The following PLCB4 variants were observed in gnomAD, a reference collection of about 807,000 sequenced individuals.
PLCB4 encodes 1-phosphatidylinositol 4,5-bisphosphate phosphodiesterase beta-4.
A neutral mutation model predicts 178.8 loss-of-function variants in PLCB4; 77 were observed. That is an observed-to-expected ratio of 0.43 (90% CI 0.36 to 0.52). The LOEUF is 0.52. Among genes scored for constraint, PLCB4 ranks in the 20% least tolerant of loss-of-function variants. The probability of loss-of-function intolerance (pLI) is 0.00; values close to 1 mark genes in which losing one functional copy is unlikely to be tolerated. For missense variants in PLCB4, 1,024 were observed against 1,453.4 expected (o/e 0.70, Z 4.80); for synonymous variants, 496 against 490.8 (o/e 1.01, Z -0.14).
intron 2 of PLCB4, among the ~76,000 whole-genome samples, chr20:9,130,598 G>A (rs1209376287): frequency 6.6e-6 from 1 of 151,992 alleles, no homozygotes; most frequent in Admixed American, 6.5e-5. Context: ...TTTCTGTTTT[G>A]GACTGTTTTC....
intron 2 of PLCB4, among the ~76,000 whole-genome samples, chr20:9,185,860 C>A (rs1238526282): frequency 6.6e-6 from 1 of 152,190 alleles, no homozygotes; most frequent in Non-Finnish European, 1.5e-5. Flanking sequence ...CTAAATCTCT[C>A]ATTTCCTTAG....
chr20:9,451,109 A>G (rs1280831850), intron 32 of PLCB4, among the ~76,000 whole-genome samples: 2 of 152,202 alleles, frequency 1.3e-5, no homozygotes, highest in African/African-American at 4.8e-5. Flanking sequence ...CTTATTGAGC[A>G]TATACTTTGT....
At chr20:9,198,383 A>G (rs2093499484) in intron 2 of PLCB4, among the ~76,000 whole-genome samples, 1 of 152,206 alleles carries the variant, frequency 6.6e-6, no homozygotes, top group South Asian at 2.1e-4. Flanking sequence ...AGAAGAAGGT[A>G]GGTTGGCATC....
chr20:9,460,983 TC>T (rs2043352972), intron 35 of PLCB4, among the ~76,000 whole-genome samples: 1 of 152,216 alleles, frequency 6.6e-6, no homozygotes, highest in African/African-American at 2.4e-5. Flanking sequence ...TTTTCTTTTT[TC>T]CTTAGAAATG....
At chr20:9,332,494 G>C (rs1477464762) in intron 4 of PLCB4, among the ~76,000 whole-genome samples, 1 of 152,160 alleles carries the variant, frequency 6.6e-6, no homozygotes, top group Non-Finnish European at 1.5e-5. Flanking sequence ...TTCATGGGTG[G>C]TTTGAAGCAT....
intron 24 of PLCB4, among the ~76,000 whole-genome samples, chr20:9,409,807 C>T (rs2039727610): frequency 6.6e-6 from 1 of 151,744 alleles, no homozygotes; most frequent in African/African-American, 2.4e-5. Context: ...AATTGATAAA[C>T]ACATTTTTAA....
intron 30 of PLCB4, among the ~76,000 whole-genome samples, chr20:9,442,535 A>C (rs1277166341): frequency 6.6e-6 from 1 of 152,204 alleles, no homozygotes; most frequent in Non-Finnish European, 1.5e-5. Flanking sequence ...AAGAAAATAA[A>C]AATTGAGAGA....
chr20:9,189,547 T>C (rs2093372383), intron 2 of PLCB4, among the ~76,000 whole-genome samples: 1 of 152,220 alleles, frequency 6.6e-6, no homozygotes, highest in Non-Finnish European at 1.5e-5. Flanking sequence ...TGTAGGATGC[T>C]TAGCAGCATC....
intron 2 of PLCB4, among the ~76,000 whole-genome samples, chr20:9,213,104 G>GAGGTGATCCACCCAC (rs373465714): frequency 4.8e-5 from 6 of 124,628 alleles, no homozygotes; most frequent in African/African-American, 1.8e-4. Flanking sequence ...TGGTCTTTGT[G>GAGGTGATCCACCCAC]CTTGGCTTCT....
intron 13 of PLCB4, among the ~76,000 whole-genome samples, chr20:9,380,469 A>T (rs1376463738): frequency 1.3e-5 from 2 of 152,248 alleles, no homozygotes; most frequent in African/African-American, 4.8e-5. Context: ...CAACCAATAC[A>T]GTCTCTACTT....
At chr20:9,139,491 C>T (rs2092445926) in intron 2 of PLCB4, among the ~76,000 whole-genome samples, 1 of 152,042 alleles carries the variant, frequency 6.6e-6, no homozygotes, top group Admixed American at 6.6e-5. Flanking sequence ...TAGTTTCTTT[C>T]CATGTGGCTT....
rs201852222 is a variant in PLCB4 at position 9,473,384 on chromosome 20, G to T, written c.3495+19G>T. ...TGAGCAGGTATTTTACCTAAAATACGTAAAAACATGCAGGCAGCTAGCCAG... is the reference window on the plus strand; with the variant it reads ...TGAGCAGGTATTTTACCTAAAATACTTAAAAACATGCAGGCAGCTAGCCAG... On this transcript the variant is annotated intron_variant, in intron 38 of 39. Transcript: ENST00000378473. 2 of 1,410,028 alleles carry T rather than the reference G, an allele frequency of 1.4e-6. No individual in the cohort carries two copies. The highest frequency in any genetic ancestry group is 1.0e-6 in the Non-Finnish European group (1 of 1,004,060). The allele number at this position is 1,410,028 out of a possible 1,614,324, so 87.3% of individuals were successfully genotyped here. A position where few individuals can be genotyped will look rare whatever the true frequency, so the allele number is the denominator to read the frequency against.
chr20:9,122,610 A>G (rs2091995240), intron 2 of PLCB4, among the ~76,000 whole-genome samples: 1 of 152,182 alleles, frequency 6.6e-6, no homozygotes. Context: ...TAATGTACAT[A>G]TGCAGTATTT....
intron 3 of PLCB4, among the ~76,000 whole-genome samples, chr20:9,219,139 C>A (rs751402223): frequency 1.3e-4 from 20 of 152,262 alleles, no homozygotes; most frequent in Admixed American, 2.6e-4. Context: ...GAAGAAATTC[C>A]TCTACATTAA....
At chr20:9,477,880 AT>A (rs2044656125) in intron 39 of PLCB4, among the ~76,000 whole-genome samples, 1 of 152,150 alleles carries the variant, frequency 6.6e-6, no homozygotes, top group African/African-American at 2.4e-5. Flanking sequence ...AGTTGACCAA[AT>A]CCCCTCCCAG....
intron 2 of PLCB4, among the ~76,000 whole-genome samples, chr20:9,214,824 A>G (rs1442291412): frequency 6.6e-6 from 1 of 152,210 alleles, no homozygotes; most frequent in Non-Finnish European, 1.5e-5. Flanking sequence ...CTTTGTAGTT[A>G]AGTATTTCAA....
chr20:9,168,542 A>AG (rs970930281), intron 2 of PLCB4, among the ~76,000 whole-genome samples: 3 of 152,204 alleles, frequency 2.0e-5, no homozygotes, highest in Non-Finnish European at 4.4e-5. Flanking sequence ...GTACCACAGC[A>AG]GGTGTGGGGT....
chr20:9,074,960 C>T (rs543553599), intron 1 of PLCB4, among the ~76,000 whole-genome samples: 6 of 152,004 alleles, frequency 3.9e-5, no homozygotes, highest in African/African-American at 9.6e-5. Context: ...TGGAGTTTCT[C>T]GGAGAGTACT....
At chr20:9,413,311 TGTATAAAAAAAA>T (rs2039989864) in intron 25 of PLCB4, among the ~76,000 whole-genome samples, 2 of 151,882 alleles carry the variant, frequency 1.3e-5, no homozygotes, top group African/African-American at 4.8e-5. Context: ...GTATTGTTTC[TGTATAAAAAAAA>T]TCCTGACGGC....
Sources: gnomAD v4.1 joint callset for allele counts (sites outside exome capture counted in the v4.1 genomes callset) on GRCh38, gnomAD v4.1.1 for gene constraint, MANE v1.5 for transcripts, NCBI Gene and HGNC (gene_info 2026-07-23, HGNC 2026-07-21) for gene names.